The following COL4A3 variants were observed in gnomAD, a reference collection of about 807,000 sequenced individuals.
COL4A3 encodes collagen type IV alpha 3 chain.
A neutral mutation model predicts 217.4 loss-of-function variants in COL4A3; 135 were observed. The observed-to-expected ratio is 0.62, with a 90% CI of 0.54 to 0.72. COL4A3 has a LOEUF of 0.72. Ranked by LOEUF, COL4A3 falls within the 30% of genes least tolerant of loss-of-function variation. COL4A3 has a pLI of 0.00. For missense variants in COL4A3, 1,868 were observed against 2,119.9 expected (o/e 0.88, Z 2.33); for synonymous variants, 690 against 736.3 (o/e 0.94, Z 1.02).
chr2:227,210,063 A>G (rs534856443), intron 1 of COL4A3, among the ~76,000 whole-genome samples: 2 of 152,308 alleles, frequency 1.3e-5, no homozygotes, highest in Non-Finnish European at 2.9e-5. Context: ...CCTGTAAGTA[A>G]AGTTCTTAAT....
At chr2:227,252,596 ACACACAC>A (rs1402347438) in intron 11 of COL4A3, among the ~76,000 whole-genome samples, 2,966 of 151,056 alleles carry the variant, frequency 0.02, 93 homozygotes, top group African/African-American at 0.069. Context: ...GCACACACAC[ACACACAC>A]ACACACACAC....
intron 1 of COL4A3, among the ~76,000 whole-genome samples, chr2:227,176,564 T>A (rs1345403408): frequency 6.6e-6 from 1 of 152,212 alleles, no homozygotes. Flanking sequence ...GATCCATGTT[T>A]GTTAATTAGA....
At chr2:227,173,565 C>T (rs2065568712) in intron 1 of COL4A3, among the ~76,000 whole-genome samples, 1 of 152,146 alleles carries the variant, frequency 6.6e-6, no homozygotes, top group African/African-American at 2.4e-5. Flanking sequence ...TTTTCAACAT[C>T]ACACACCTAC....
At chr2:227,261,029 T>C in intron 19 of COL4A3, 53 bp from the exon 20 acceptor site, 2 of 1,451,558 alleles carry the variant, frequency 1.4e-6, no homozygotes, top group Non-Finnish European at 1.9e-6. Context: ...CAAAAGTGGA[T>C]GGGACAGCAT....
At position 227,191,492 on chromosome 2, in the gene COL4A3, C is replaced by T. The variant is rs201255718; in HGVS notation, c.87+26679C>T. 2.4e-4 allele frequency among the ~76,000 whole-genome samples: 36 copies of T among 152,152 alleles called. 1 individual carries two copies. The highest frequency in any genetic ancestry group is 3.9e-4 in the African/African-American group (16 of 41,430). ...TACAAATGTTGAATGGCTCCATCCA[C>T]GGTGCATTTGTGGAGCTCCCCTGTT... On this transcript the variant is annotated intron_variant, in intron 1 of 51. Coordinates refer to ENST00000396578, the MANE Select transcript of COL4A3 (RefSeq NM_000091.5). This position sits in a 1 kb window ranked among gnomAD's most constrained non-coding sequence, Gnocchi z 6.8.
intron 41 of COL4A3, 78 bp from the exon 42 acceptor site, chr2:227,297,596 A>T: frequency 1.5e-6 from 2 of 1,347,998 alleles, no homozygotes; most frequent in Non-Finnish European, 2.1e-6. Context: ...CAAAGTACCT[A>T]CATTATTAAA....
rs993442185 is a variant in COL4A3 at position 227,312,415 on chromosome 2, G to C, written c.*545G>C. 2 of 154,982 alleles carry C rather than the reference G, an allele frequency of 1.3e-5. No homozygotes were observed. The highest frequency in any genetic ancestry group is 3.9e-4 in the South Asian group (2 of 5,064). 9.6% of individuals were successfully genotyped at this position (154,982 alleles called of 1,614,324 possible). A position where few individuals can be genotyped will look rare whatever the true frequency, so the allele number is the denominator to read the frequency against. On this transcript the variant is annotated 3_prime_UTR_variant, in exon 52 of 52. Coordinates refer to ENST00000396578, the MANE Select transcript of COL4A3 (RefSeq NM_000091.5). ...TGATGGAACACAGAACTGAACTGAG[G>C]TTCATGGATTTTCCAGGACTGTTTC... is the stretch of plus-strand genomic sequence containing the variant.
In COL4A3 at chr2:227,239,729, T is replaced by A. The variant is rs944863055; in HGVS notation, c.145-414T>A. Among the ~76,000 whole-genome samples the A allele has an allele frequency of 2.6e-5, 4 of 152,168 alleles. No homozygotes were observed. The East Asian group carries it at 7.7e-4, about 29-fold the overall frequency. On this transcript the variant is annotated intron_variant, in intron 2 of 51. Transcript: ENST00000396578. ...CCTGGTGGCGTTCTTTCAAGCTACA[T>A]AGTAATTATGCACACTCCCCAGGCA...
chr2:227,282,623 C>T lies in COL4A3; in HGVS notation c.2656+91C>T. On this transcript the variant is annotated intron_variant, in intron 32 of 51. Transcript: ENST00000396578. The surrounding 1 kb of genome is among the most constrained non-coding windows in gnomAD (Gnocchi z 4.4). ...TGTACATAGGCATACGCTTTTTACT[C>T]TATGCTTTTACTTAATATAAGGTTT... The T allele has an allele frequency of 8.5e-7, 1 of 1,177,122 alleles. No individual in the cohort carries two copies. Among genetic ancestry groups the T allele is most frequent in the Non-Finnish European group, 1.3e-6 (1 of 792,386 alleles). 72.9% of individuals were successfully genotyped at this position (1,177,122 alleles called of 1,614,324 possible). A position where few individuals can be genotyped will look rare whatever the true frequency, so the allele number is the denominator to read the frequency against.
chr2:227,237,719 C>T (rs1459277860), intron 1 of COL4A3: 1 of 377,224 alleles, frequency 2.7e-6, no homozygotes. Flanking sequence ...ACTTAAAATT[C>T]CCAAGTACAA....
At chr2:227,238,059 G>T (rs755362217) in intron 2 of COL4A3, 35 bp downstream of exon 2, 1 of 1,372,786 alleles carries the variant, frequency 7.3e-7, no homozygotes, top group South Asian at 1.2e-5. Flanking sequence ...TGTTTACACT[G>T]TAAAGCTCTA....
chr2:227,192,501 C>T (rs76673750), intron 1 of COL4A3, among the ~76,000 whole-genome samples: 13,674 of 152,144 alleles, frequency 0.09, 704 homozygotes, highest in African/African-American at 0.14. Flanking sequence ...ATGCTGTATA[C>T]ATAAATGTGA....
intron 1 of COL4A3, among the ~76,000 whole-genome samples, chr2:227,223,866 A>G (rs1222899394): frequency 6.6e-6 from 1 of 152,192 alleles, no homozygotes; most frequent in Non-Finnish European, 1.5e-5. Flanking sequence ...GATAGTGTCT[A>G]TTGTCCTCCA....
chr2:227,266,089 T>C (rs7579018), intron 21 of COL4A3, among the ~76,000 whole-genome samples: 84,309 of 151,998 alleles, frequency 0.55, 24,694 homozygotes, highest in South Asian at 0.67. Flanking sequence ...AGAACTACAA[T>C]TCAAGATGAG....
Position 227,187,268 on chromosome 2 carries a change from T to G in COL4A3, c.87+22455T>G, listed in dbSNP as rs116110605. Among the ~76,000 whole-genome samples, 1,424 of 152,300 alleles carry G rather than the reference T, an allele frequency of 9.3e-3. 21 individuals carry two copies. The highest frequency in any genetic ancestry group is 0.032 in the African/African-American group (1,346 of 41,550). On this transcript the variant is annotated intron_variant, in intron 1 of 51. Transcript: ENST00000396578. ...TACCAAGTTGCTGGACTGGGTCTTC[T>G]GCAAACAGAAAATTGGAGGGAGGAT...
intron 1 of COL4A3, among the ~76,000 whole-genome samples, chr2:227,199,227 A>T (rs2066593323): frequency 6.6e-6 from 1 of 152,094 alleles, no homozygotes; most frequent in East Asian, 1.9e-4. Flanking sequence ...CTTCCGGAGG[A>T]TTTACCTGTG....
At chr2:227,172,922 A>C (rs886069062) in intron 1 of COL4A3, among the ~76,000 whole-genome samples, 3 of 152,094 alleles carry the variant, frequency 2.0e-5, no homozygotes, top group Non-Finnish European at 2.9e-5. Context: ...TCCCATCATG[A>C]AGACCCCACC....
At chr2:227,309,506 A>C (rs2073657427) in intron 50 of COL4A3, among the ~76,000 whole-genome samples, 188 bp downstream of exon 50, 1 of 152,194 alleles carries the variant, frequency 6.6e-6, no homozygotes, top group Admixed American at 6.5e-5. Context: ...TGGAGTACTA[A>C]AAAAGACTTC....
chr2:227,309,088 A>G lies in COL4A3; in HGVS notation c.4640+12A>G. On this transcript the variant is annotated intron_variant, in intron 49 of 51. Coordinates refer to ENST00000396578, the MANE Select transcript of COL4A3 (RefSeq NM_000091.5). ...CCTTATATAAGCAGGTAAAAATCCA[A>G]TCCCCTAGTTTTACAATGGGACCAA... The G allele has an allele frequency of 6.2e-7, 1 of 1,614,094 alleles. No individual in the cohort carries two copies. The highest frequency in any genetic ancestry group is 8.5e-7 in the Non-Finnish European group (1 of 1,179,924).
Sources: allele counts gnomAD v4.1 joint callset (sites outside exome capture counted in the v4.1 genomes callset), GRCh38; gene constraint gnomAD v4.1.1; non-coding constraint Gnocchi (gnomAD v3.1); transcripts MANE v1.5; gene names NCBI Gene and HGNC (gene_info 2026-07-23, HGNC 2026-07-21).